Variants in ZNF510 observed in about 807,000 individuals in gnomAD.
ZNF510 encodes zinc finger protein 510.
ZNF510 carries 15 observed loss-of-function variants against 18.1 expected under a neutral mutation model. The ratio of observed to expected loss-of-function variants is 0.83; its 90% CI spans 0.55 to 1.28. The LOEUF is 1.28. Among genes scored for constraint, ZNF510 ranks in the 50% most tolerant of loss-of-function variants. The pLI, the probability that ZNF510 is intolerant of heterozygous loss-of-function variation, is 0.00. For missense variants in ZNF510, 724 were observed against 791.8 expected, an observed-to-expected ratio of 0.91 and a Z score of 1.03; for synonymous variants, 261 against 266.4, an observed-to-expected ratio of 0.98 and a Z score of 0.20.
At chr9:96,774,186 T>C (rs1180475273) in intron 3 of ZNF510, among the ~76,000 whole-genome samples, 1 of 152,252 alleles carries the variant, frequency 6.6e-6, no homozygotes, top group African/African-American at 2.4e-5. Flanking sequence ...CTTACCCATT[T>C]TTCAGGACAA....
Position 96,756,021 on chromosome 9 carries a change from C to T in ZNF510, c.*2757G>A, listed in dbSNP as rs181539248. The T allele has an allele frequency of 7.4e-4, 113 of 152,122 alleles. 1 individual carries two copies. The highest frequency in any genetic ancestry group is 2.6e-3 in the African/African-American group (106 of 41,492). 9.4% of individuals were successfully genotyped at this position (152,122 alleles called of 1,614,324 possible). ...TCACAATCTGGATGGAGAAAGCTGTCGGCAGCTTGATTCCAGTCAGTCTTA... is the reference window on the plus strand; with the variant it reads ...TCACAATCTGGATGGAGAAAGCTGTTGGCAGCTTGATTCCAGTCAGTCTTA... On this transcript the variant is annotated 3_prime_UTR_variant, in exon 6 of 6. Coordinates refer to ENST00000223428, the MANE Select transcript of ZNF510 (RefSeq NM_014930.3).
chr9:96,774,868 T>C, intron 2 of ZNF510, 22 bp from the exon 3 acceptor site: 1 of 1,611,474 alleles, frequency 6.2e-7, no homozygotes, highest in Non-Finnish European at 8.5e-7. Context: ...GAAGGAGTCA[T>C]GAGAGATCTG....
In ZNF510 at chr9:96,768,829, T is replaced by C. The variant is rs779925351; in HGVS notation, c.130-5197A>G. Among the ~76,000 whole-genome samples the C allele has an allele frequency of 2.6e-5, 4 of 152,316 alleles. No individual in the cohort carries two copies. The East Asian group carries it at 5.8e-4, about 22-fold the overall frequency. Reference sequence around the variant, plus strand: ...TCCTAATGACCTTTCTGCAGAAATGTTGAACCTACAATTTATATGAAATTG... The same window carrying C: ...TCCTAATGACCTTTCTGCAGAAATGCTGAACCTACAATTTATATGAAATTG... On this transcript the variant is annotated intron_variant, in intron 3 of 5. Transcript: ENST00000223428.
rs1458834880 is a variant in ZNF510, at chr9:96,760,135, A to C, written c.695T>G (p.Met232Arg). 2 of 1,610,268 alleles carry C rather than the reference A, an allele frequency of 1.2e-6. No homozygotes were observed. Among genetic ancestry groups the C allele is most frequent in the Non-Finnish European group, 1.7e-6 (2 of 1,178,998 alleles). Reference sequence around the variant, plus strand: ...ATTTTCATTATAATTGAGAGCTTTCATGTTTTTATTATGTTCATAAAATTT... The same window carrying C: ...ATTTTCATTATAATTGAGAGCTTTCCTGTTTTTATTATGTTCATAAAATTT... ...GEKFYEHNKN[M>R]KALNYNENLP... Residue 232 changes from methionine to arginine, a missense_variant, in exon 6 of 6, where the codon ATG (methionine) becomes AGG (arginine). By Grantham distance (91) the Met-to-Arg change is moderately conservative. Transcript: ENST00000223428.
rs1849178412 is a variant in ZNF510 at position 96,755,669 on chromosome 9, T to G, written c.*3109A>C. 6.6e-6 allele frequency among the ~76,000 whole-genome samples: 1 copy of G among 152,174 alleles called. No homozygotes were observed. The highest frequency in any genetic ancestry group is 6.5e-5 in the Admixed American group (1 of 15,274). ...ATGGTTCCTATACATGCCAGTCCTA[T>G]TCACAAAATGATGTTACTAAAATAT... is the stretch of plus-strand genomic sequence containing the variant. On this transcript the variant is annotated 3_prime_UTR_variant, in exon 6 of 6. Transcript: ENST00000223428.
chr9:96,775,981 C>G lies in ZNF510; in HGVS notation c.70+19G>C. On this transcript the variant is annotated intron_variant, in intron 2 of 5. Coordinates refer to ENST00000223428, the MANE Select transcript of ZNF510 (RefSeq NM_014930.3). ...CTGTGCAGTCTGACAGTCACCCACG[C>G]CTCTCAACCCCAGCTTACCACCTTC... is the stretch of plus-strand genomic sequence containing the variant. 1 of 1,601,894 alleles carries G rather than the reference C, an allele frequency of 6.2e-7. No homozygotes were observed.
At chr9:96,772,414 C>T (rs552046967) in intron 3 of ZNF510, among the ~76,000 whole-genome samples, 23 of 152,190 alleles carry the variant, frequency 1.5e-4, no homozygotes, top group Non-Finnish European at 2.9e-4. Context: ...AATGTAAAAA[C>T]TTTGTTGTCA....
At chr9:96,772,260 G>C (rs1418999900) in intron 3 of ZNF510, among the ~76,000 whole-genome samples, 2 of 151,914 alleles carry the variant, frequency 1.3e-5, no homozygotes, top group Non-Finnish European at 2.9e-5. Flanking sequence ...AAACACAAAA[G>C]CTAACTCTAT....
In ZNF510 at chr9:96,758,690, T is replaced by C. The variant is rs1413840441; in HGVS notation, c.*88A>G. 1.5e-6 allele frequency: 2 copies of C among 1,359,094 alleles called. No homozygotes were observed. The highest frequency in any genetic ancestry group is 4.7e-5 in the East Asian group (2 of 42,996). 84.2% of individuals were successfully genotyped at this position (1,359,094 alleles called of 1,614,324 possible). A position where few individuals can be genotyped will look rare whatever the true frequency, so the allele number is the denominator to read the frequency against. On this transcript the variant is annotated 3_prime_UTR_variant, in exon 6 of 6. Coordinates refer to ENST00000223428, the MANE Select transcript of ZNF510 (RefSeq NM_014930.3). ...GGGTTTACTTCTGGGACTGTCTTCT[T>C]ACATTCACTACCCTCAATTGGTTTT... is the stretch of plus-strand genomic sequence containing the variant.
chr9:96,765,342 A>C (rs1042927565), intron 3 of ZNF510, among the ~76,000 whole-genome samples: 7 of 152,152 alleles, frequency 4.6e-5, no homozygotes, highest in Admixed American at 3.3e-4. Flanking sequence ...ATTTGTGGAC[A>C]TGTACAGGAA....
intron 3 of ZNF510, among the ~76,000 whole-genome samples, chr9:96,772,313 G>A (rs563191551): frequency 1.3e-5 from 2 of 152,236 alleles, no homozygotes; most frequent in East Asian, 3.9e-4. Flanking sequence ...AACAATATAG[G>A]AGAATATCTG....
Position 96,758,702 on chromosome 9 carries a change from C to A in ZNF510, c.*76G>T. The A allele has an allele frequency of 7.0e-7, 1 of 1,430,128 alleles. No individual in the cohort carries two copies. The highest frequency in any genetic ancestry group is 9.4e-7 in the Non-Finnish European group (1 of 1,065,054). The allele number at this position is 1,430,128 out of a possible 1,614,324, so 88.6% of individuals were successfully genotyped here. ...GGGACTGTCTTCTTACATTCACTAC[C>A]CTCAATTGGTTTTTTGTGTATCTCT... On this transcript the variant is annotated 3_prime_UTR_variant, in exon 6 of 6. Coordinates refer to ENST00000223428, the MANE Select transcript of ZNF510 (RefSeq NM_014930.3).
In ZNF510 at chr9:96,759,112, T is replaced by A. The variant is rs1242025084; in HGVS notation, c.1718A>T (p.Lys573Ile). The A allele has an allele frequency of 1.9e-6, 3 of 1,614,018 alleles. No homozygotes were observed. In the African/African-American group the frequency reaches 4.0e-5, roughly 22 times the overall value. ...AAAAGTTTTCCCACATTCGTTACAT[T>A]TGAATGGTTTCTCTCCCGTGTGAGT... ...QKTHTGEKPF[K>I]CNECGKTFAR... Residue 573 changes from lysine to isoleucine, a missense_variant, in exon 6 of 6, where the codon AAA becomes ATA. Lys to Ile is a moderately radical substitution (Grantham distance 102). Transcript: ENST00000223428.
chr9:96,766,876 C>A (rs984449565), intron 3 of ZNF510, among the ~76,000 whole-genome samples: 15 of 152,214 alleles, frequency 9.9e-5, no homozygotes, highest in Non-Finnish European at 2.1e-4. Flanking sequence ...CTTACTGGAG[C>A]AGATGCTACT....
intron 3 of ZNF510, among the ~76,000 whole-genome samples, chr9:96,774,169 T>C (rs1849641320): frequency 6.6e-6 from 1 of 152,236 alleles, no homozygotes; most frequent in South Asian, 2.1e-4. Context: ...ACTGCAACAA[T>C]GAAAACCTTA....
In ZNF510 at chr9:96,758,300, A is replaced by C; in HGVS notation, c.*478T>G. Reference sequence around the variant, plus strand: ...GAAATGATATCCATTTTGTTGTGACAGGGCCCTGGTAATTTATTAGGGAAG... The same window carrying C: ...GAAATGATATCCATTTTGTTGTGACCGGGCCCTGGTAATTTATTAGGGAAG... On this transcript the variant is annotated 3_prime_UTR_variant, in exon 6 of 6. Coordinates refer to ENST00000223428, the MANE Select transcript of ZNF510 (RefSeq NM_014930.3). The C allele has an allele frequency of 2.6e-5, 4 of 154,004 alleles. No homozygotes were observed. Among genetic ancestry groups the C allele is most frequent in the Non-Finnish European group, 4.3e-5 (3 of 69,242 alleles). 9.5% of individuals were successfully genotyped at this position (154,004 alleles called of 1,614,324 possible). A position where few individuals can be genotyped will look rare whatever the true frequency, so the allele number is the denominator to read the frequency against.
chr9:96,758,366 C>T lies in ZNF510; in HGVS notation c.*412G>A, dbSNP rs183903461. ...ACTGGGATGTGATATACATCATGGA[C>T]ATCCACATCTTAGTAGCCAGTCACA... is the stretch of plus-strand genomic sequence containing the variant. On this transcript the variant is annotated 3_prime_UTR_variant, in exon 6 of 6. Transcript: ENST00000223428. 6.1e-6 allele frequency: 1 copy of T among 164,198 alleles called. No individual in the cohort carries two copies. The highest frequency in any genetic ancestry group is 5.8e-5 in the Admixed American group (1 of 17,222). The allele number at this position is 164,198 out of a possible 1,614,324, so 10.2% of individuals were successfully genotyped here.
chr9:96,763,845 C>T (rs1297599293), intron 3 of ZNF510, among the ~76,000 whole-genome samples: 2 of 152,246 alleles, frequency 1.3e-5, no homozygotes, highest in East Asian at 1.9e-4. Flanking sequence ...CCTGTAATCC[C>T]AGCACTTTGG....
chr9:96,767,717 C>G (rs1397549414), intron 3 of ZNF510, among the ~76,000 whole-genome samples: 1 of 152,092 alleles, frequency 6.6e-6, no homozygotes, highest in Non-Finnish European at 1.5e-5. Context: ...AAGACTGAAT[C>G]AGTAATCCAA....
Sources: gnomAD v4.1 joint callset for allele counts (sites outside exome capture counted in the v4.1 genomes callset) on GRCh38, gnomAD v4.1.1 for gene constraint, MANE v1.5 for transcripts, NCBI Gene and HGNC (gene_info 2026-07-23, HGNC 2026-07-21) for gene names.